Variants in FAF1 observed in about 807,000 individuals in gnomAD.
The protein encoded by FAF1 is Fas associated factor 1.
In FAF1, 25 loss-of-function variants were observed where a neutral mutation model predicts 92.5. The ratio of observed to expected loss-of-function variants is 0.27; its 90% confidence interval spans 0.20 to 0.38. FAF1 has a LOEUF of 0.38. Ranked by LOEUF, FAF1 falls within the 10% of genes least tolerant of loss-of-function variation. The pLI is 1.00. For synonymous variants in FAF1, 234 were observed against 273.2 expected, an observed-to-expected ratio of 0.86 and a Z score of 1.42; for missense variants, 636 against 793.3, an observed-to-expected ratio of 0.80 and a Z score of 2.38.
Position 50,858,001 on chromosome 1 carries a change from G to C in FAF1, c.46-4C>G, listed in dbSNP as rs746129054. ...TGTTTTCAATGCCAGTACATGCCTG[G>C]AAAGAAAGTAAATAAGCATTTTACA... On this transcript the variant is annotated splice_polypyrimidine_tract_variant and splice_region_variant and intron_variant, in intron 1 of 18. Coordinates refer to ENST00000396153, the MANE Select transcript of FAF1 (RefSeq NM_007051.3). 1.1e-5 allele frequency: 18 copies of C among 1,580,304 alleles called. 1 individual carries two copies. In the South Asian group the frequency reaches 1.5e-4, roughly 13 times the overall value.
At chr1:50,662,095 A>G (rs1038582059) in intron 7 of FAF1, among the ~76,000 whole-genome samples, 5 of 152,164 alleles carry the variant, frequency 3.3e-5, no homozygotes, top group African/African-American at 1.2e-4. Context: ...TCAGAAATCA[A>G]TGCTCTAAGT....
intron 1 of FAF1, among the ~76,000 whole-genome samples, chr1:50,925,462 C>CA (rs113312279): frequency 0.029 from 4,145 of 141,412 alleles, 134 homozygotes; most frequent in African/African-American, 0.083. Context: ...AACTTAGCAC[C>CA]AAAAAAAAAA....
chr1:50,960,193 C>T lies in FAF1; in HGVS notation c.-382G>A. On this transcript the variant is annotated 5_prime_UTR_variant, in exon 1 of 19. Coordinates refer to ENST00000396153, the MANE Select transcript of FAF1 (RefSeq NM_007051.3). ...GGCGGGGGCGGGGAAACCGAGCGAGCGAGCGGGCGGGCGAACGCCGCGGCC... is the reference window on the plus strand; with the variant it reads ...GGCGGGGGCGGGGAAACCGAGCGAGTGAGCGGGCGGGCGAACGCCGCGGCC... 1 of 313,742 alleles carries T rather than the reference C, an allele frequency of 3.2e-6. No homozygotes were observed. 19.4% of individuals were successfully genotyped at this position (313,742 alleles called of 1,614,324 possible). A position where few individuals can be genotyped will look rare whatever the true frequency, so the allele number is the denominator to read the frequency against.
At chr1:50,683,511 A>G (rs2124372942) in intron 7 of FAF1, among the ~76,000 whole-genome samples, 1 of 149,984 alleles carries the variant, frequency 6.7e-6, no homozygotes, top group Non-Finnish European at 1.5e-5. Context: ...TGGGTGACAG[A>G]GTGAGACCCT....
chr1:50,789,632 C>A (rs1661494802), intron 3 of FAF1, among the ~76,000 whole-genome samples: 1 of 152,184 alleles, frequency 6.6e-6, no homozygotes, highest in Non-Finnish European at 1.5e-5. Flanking sequence ...CAATTGCCTC[C>A]TAACTAATCC....
intron 8 of FAF1, among the ~76,000 whole-genome samples, chr1:50,630,826 A>ATTTTTTTTTTTTTTTTTT (rs1471050080): frequency 3.2e-5 from 4 of 125,334 alleles, no homozygotes; most frequent in African/African-American, 6.3e-5. Flanking sequence ...AGTGTATCAT[A>ATTTTTTTTTTTTTTTTTT]TCTTTTTTTT....
intron 8 of FAF1, among the ~76,000 whole-genome samples, chr1:50,629,312 G>A (rs1012783342): frequency 2.6e-5 from 4 of 152,058 alleles, no homozygotes; most frequent in Non-Finnish European, 4.4e-5. Flanking sequence ...TGAAATTATA[G>A]GTGCATGGCA....
At chr1:50,871,626 C>G (rs1448764606) in intron 1 of FAF1, among the ~76,000 whole-genome samples, 2 of 152,196 alleles carry the variant, frequency 1.3e-5, no homozygotes, top group Non-Finnish European at 2.9e-5. Context: ...AATATTTTAA[C>G]CCAGCTTCTG....
chr1:50,779,822 C>T (rs1569935101), intron 4 of FAF1, among the ~76,000 whole-genome samples: 1 of 151,990 alleles, frequency 6.6e-6, no homozygotes, highest in South Asian at 2.1e-4. Flanking sequence ...GTGGTGCACA[C>T]CTGTCATCCC....
intron 6 of FAF1, among the ~76,000 whole-genome samples, chr1:50,729,649 C>T (rs369963161): frequency 6.6e-5 from 10 of 151,590 alleles, no homozygotes; most frequent in Admixed American, 1.3e-4. Context: ...TCAGGTGATC[C>T]GCCTGCGTTG....
intron 8 of FAF1, among the ~76,000 whole-genome samples, chr1:50,635,862 G>T (rs1325191866): frequency 6.6e-6 from 1 of 152,182 alleles, no homozygotes; most frequent in East Asian, 1.9e-4. Context: ...GCTACTAGGG[G>T]AATAGACTAA....
chr1:50,834,532 A>G (rs1269971177), intron 2 of FAF1, among the ~76,000 whole-genome samples: 1 of 152,242 alleles, frequency 6.6e-6, no homozygotes, highest in African/African-American at 2.4e-5. Flanking sequence ...CAAGAGACCA[A>G]GGCCAAATTA....
In FAF1 at chr1:50,802,517, T is replaced by C. The variant is rs1181926732; in HGVS notation, c.115-840A>G. ...TAGCATTAGAGGAGAGGTTTCCTTA[T>C]ATAAAACATCCCTAAAATTAATCTC... On this transcript the variant is annotated intron_variant, in intron 2 of 18. Coordinates refer to ENST00000396153, the MANE Select transcript of FAF1 (RefSeq NM_007051.3). Among the ~76,000 whole-genome samples, 4 of 152,200 alleles carry C rather than the reference T, an allele frequency of 2.6e-5. No homozygotes were observed. The South Asian group carries it at 6.2e-4, about 24-fold the overall frequency.
intron 15 of FAF1, among the ~76,000 whole-genome samples, chr1:50,528,274 T>C (rs1647949321): frequency 1.3e-5 from 2 of 152,210 alleles, no homozygotes; most frequent in East Asian, 1.9e-4. Context: ...AGTGTACTTA[T>C]AAACAATTTC....
chr1:50,659,345 G>T (rs918132400), intron 7 of FAF1, among the ~76,000 whole-genome samples: 1 of 151,954 alleles, frequency 6.6e-6, no homozygotes, highest in African/African-American at 2.4e-5. Context: ...TAGATGATAG[G>T]GAAAGAAAGA....
At position 50,801,697 on chromosome 1, in the gene FAF1, A is replaced by G; in HGVS notation, c.115-20T>C. On this transcript the variant is annotated intron_variant, in intron 2 of 18. Coordinates refer to ENST00000396153, the MANE Select transcript of FAF1 (RefSeq NM_007051.3). Reference sequence around the variant, plus strand: ...AGCTGCCTGCAAACAAGAAACAGAGAAGGCCATTTAAAGAAACAGATAAAT... The same window carrying G: ...AGCTGCCTGCAAACAAGAAACAGAGGAGGCCATTTAAAGAAACAGATAAAT... 4 of 1,528,404 alleles carry G rather than the reference A, an allele frequency of 2.6e-6. No homozygotes were observed. Among genetic ancestry groups the G allele is most frequent in the Non-Finnish European group, 3.6e-6 (4 of 1,102,840 alleles). 94.7% of individuals were successfully genotyped at this position (1,528,404 alleles called of 1,614,324 possible).
intron 2 of FAF1, among the ~76,000 whole-genome samples, chr1:50,814,778 A>T (rs1643951472): frequency 6.6e-6 from 1 of 152,180 alleles, no homozygotes; most frequent in African/African-American, 2.4e-5. Flanking sequence ...GAGCTCCACA[A>T]ATCATTAGAG....
At chr1:50,755,523 G>A (rs940857740) in intron 4 of FAF1, among the ~76,000 whole-genome samples, 5 of 152,194 alleles carry the variant, frequency 3.3e-5, no homozygotes, top group African/African-American at 1.2e-4. Context: ...CACGGTGCAA[G>A]CTGTCCGTGG....
At chr1:50,689,356 G>T (rs912722375) in intron 7 of FAF1, among the ~76,000 whole-genome samples, 2 of 152,096 alleles carry the variant, frequency 1.3e-5, no homozygotes, top group African/African-American at 4.8e-5. Context: ...AGGCCGAGGC[G>T]GGTGGATCAC....
Sources: allele counts gnomAD v4.1 joint callset (sites outside exome capture counted in the v4.1 genomes callset), GRCh38; gene constraint gnomAD v4.1.1; transcripts MANE v1.5; gene names NCBI Gene and HGNC (gene_info 2026-07-23, HGNC 2026-07-21).